The following SLC17A3 variants were observed in gnomAD, a reference collection of about 807,000 sequenced individuals.
SLC17A3 encodes sodium-dependent phosphate transport protein 4.
In SLC17A3, 61 loss-of-function variants were observed where a neutral mutation model predicts 60.3. The observed-to-expected ratio is 1.01, with a 90% confidence interval of 0.82 to 1.25. The LOEUF is 1.25. SLC17A3 is among the 50% of genes most tolerant of loss of function. SLC17A3 has a pLI of 0.00. For synonymous variants in SLC17A3, 192 were observed against 208.9 expected, an observed-to-expected ratio of 0.92 and a Z score of 0.70; for missense variants, 624 against 594.9, an observed-to-expected ratio of 1.05 and a Z score of -0.51.
intron 11 of SLC17A3, among the ~76,000 whole-genome samples, chr6:25,846,153 A>T (rs76070504): frequency 0.052 from 7,966 of 152,096 alleles, 241 homozygotes; most frequent in Non-Finnish European, 0.072. Context: ...TTGTTTTTTT[A>T]AATCAATTAA....
intron 1 of SLC17A3, among the ~76,000 whole-genome samples, chr6:25,869,583 C>T (rs1463110762): frequency 6.6e-6 from 1 of 151,904 alleles, no homozygotes; most frequent in East Asian, 1.9e-4. Context: ...TTTCACACGG[C>T]TGCGGAGGCC....
intron 2 of SLC17A3, among the ~76,000 whole-genome samples, chr6:25,863,469 C>T (rs1325033374): frequency 6.6e-6 from 1 of 152,114 alleles, no homozygotes; most frequent in Non-Finnish European, 1.5e-5. Flanking sequence ...TCAGGCAGAG[C>T]AGCTCTTTGG....
Position 25,850,452 on chromosome 6 carries a change from T to C in SLC17A3, c.993+7A>G. On this transcript the variant is annotated splice_region_variant and intron_variant, in intron 8 of 12. Coordinates refer to ENST00000397060, the MANE Select transcript of SLC17A3 (RefSeq NM_001098486.2). ...CAGGAGAAAGGAAGGGAAGGAAACATACTCACGTCTCTGATGTTAACATGG... is the reference window on the plus strand; with the variant it reads ...CAGGAGAAAGGAAGGGAAGGAAACACACTCACGTCTCTGATGTTAACATGG... 6.2e-7 allele frequency: 1 copy of C among 1,613,266 alleles called. No homozygotes were observed. Among genetic ancestry groups the C allele is most frequent in the Non-Finnish European group, 8.5e-7 (1 of 1,179,310 alleles).
At chr6:25,868,777 T>A (rs1765582245) in intron 1 of SLC17A3, among the ~76,000 whole-genome samples, 1 of 151,954 alleles carries the variant, frequency 6.6e-6, no homozygotes, top group Admixed American at 6.6e-5. Flanking sequence ...AACATCTTCA[T>A]CAAAAAGTTG....
At chr6:25,847,532 G>T (rs1265913030) in intron 11 of SLC17A3, among the ~76,000 whole-genome samples, 1 of 152,126 alleles carries the variant, frequency 6.6e-6, no homozygotes, top group African/African-American at 2.4e-5. Context: ...CCCACCAACA[G>T]TGTATAAGCG....
At chr6:25,862,625 G>A (rs776805135) in intron 2 of SLC17A3, among the ~76,000 whole-genome samples, 181 bp from the exon 3 acceptor site, 23 of 151,762 alleles carry the variant, frequency 1.5e-4, no homozygotes, top group African/African-American at 2.4e-4. Flanking sequence ...GCTAAAGGAC[G>A]TTTTATACCA....
At chr6:25,847,901 A>G (rs1482163740) in intron 11 of SLC17A3, among the ~76,000 whole-genome samples, 3 of 151,872 alleles carry the variant, frequency 2.0e-5, no homozygotes, top group Non-Finnish European at 4.4e-5. Context: ...CCCCCTTCCC[A>G]CACCTTCCCC....
chr6:25,850,396 T>A (rs1187895847), intron 8 of SLC17A3, 63 bp downstream of exon 8: 2 of 1,511,496 alleles, frequency 1.3e-6, no homozygotes, highest in South Asian at 2.3e-5. Context: ...GAATGATTAG[T>A]GAGGGCAGAG....
intron 6 of SLC17A3, 54 bp downstream of exon 6, chr6:25,855,090 T>C: frequency 8.9e-7 from 1 of 1,123,478 alleles, no homozygotes; most frequent in Non-Finnish European, 1.4e-6. Context: ...ATATACTTAC[T>C]GAGGAGAATC....
At chr6:25,862,502 T>C (rs1765468943) in intron 2 of SLC17A3, 58 bp from the exon 3 acceptor site, 3 of 1,342,896 alleles carry the variant, frequency 2.2e-6, no homozygotes, top group Non-Finnish European at 3.2e-6. Flanking sequence ...CATTAGTTTT[T>C]CACAAGATAT....
chr6:25,873,962 A>C (rs903544252), intron 1 of SLC17A3, among the ~76,000 whole-genome samples: 9 of 152,186 alleles, frequency 5.9e-5, no homozygotes, highest in Admixed American at 3.3e-4. Context: ...GTTTCAAAGC[A>C]TATGGATGAT....
chr6:25,858,435 T>G (rs1265646162), intron 5 of SLC17A3, among the ~76,000 whole-genome samples: 1 of 152,198 alleles, frequency 6.6e-6, no homozygotes, highest in Non-Finnish European at 1.5e-5. Context: ...CCCAGCAGCA[T>G]GTGGTACAGT....
Position 25,868,308 on chromosome 6 carries a change from A to G in SLC17A3, c.80T>C (p.Ile27Thr), listed in dbSNP as rs746698945. 3 of 1,611,666 alleles carry G rather than the reference A, an allele frequency of 1.9e-6. No homozygotes were observed. Among genetic ancestry groups the G allele is most frequent in the African/African-American group, 2.7e-5 (2 of 74,720 alleles). ...GAGGTCAAATTTACCTTTCCTGGGG[A>G]TCAGTGTCTCATCCACTTGCATATC... ...AQDMQVDETL[I>T]PRKVPSLCSA... Residue 27 changes from isoleucine (I) to threonine (T), a missense_variant, in exon 2 of 13, where the codon ATC becomes ACC. By Grantham distance (89) the Ile-to-Thr change is moderately conservative (BLOSUM62 -1). Coordinates refer to ENST00000397060, the MANE Select transcript of SLC17A3 (RefSeq NM_001098486.2).
At chr6:25,860,007 C>G (rs940533412) in intron 5 of SLC17A3, among the ~76,000 whole-genome samples, 2 of 152,128 alleles carry the variant, frequency 1.3e-5, no homozygotes, top group East Asian at 3.9e-4. Flanking sequence ...ACCAAAGTAT[C>G]AAGGCATTTT....
intron 2 of SLC17A3, 89 bp downstream of exon 2, chr6:25,868,208 A>C: frequency 3.0e-6 from 3 of 987,840 alleles, no homozygotes; most frequent in Non-Finnish European, 1.6e-6. Context: ...TAAAGAACTT[A>C]AAAATCACAA....
At chr6:25,857,454 A>T (rs992346367) in intron 5 of SLC17A3, among the ~76,000 whole-genome samples, 8 of 151,892 alleles carry the variant, frequency 5.3e-5, no homozygotes, top group African/African-American at 1.9e-4. Context: ...GGTGTTTTGT[A>T]ATTCAACTGT....
chr6:25,859,842 A>G (rs1460132158), intron 5 of SLC17A3, among the ~76,000 whole-genome samples: 1 of 152,040 alleles, frequency 6.6e-6, no homozygotes, highest in African/African-American at 2.4e-5. Context: ...TCTATCTCAC[A>G]TGGGATAACA....
chr6:25,850,742 G>A lies in SLC17A3; in HGVS notation c.831+17C>T, dbSNP rs1765261937. The A allele has an allele frequency of 6.2e-7, 1 of 1,606,714 alleles. No homozygotes were observed. The highest frequency in any genetic ancestry group is 1.3e-5 in the African/African-American group (1 of 74,762). On this transcript the variant is annotated intron_variant, in intron 7 of 12. Coordinates refer to ENST00000397060, the MANE Select transcript of SLC17A3 (RefSeq NM_001098486.2). ...AGATACAAGGTCTCAGAAAAGTGTT[G>A]GTGTCTTTATATGTACCTGTTGTTT...
At chr6:25,846,089 G>A (rs1765169935) in intron 11 of SLC17A3, among the ~76,000 whole-genome samples, 1 of 151,980 alleles carries the variant, frequency 6.6e-6, no homozygotes, top group Admixed American at 6.6e-5. Flanking sequence ...TTTTTGGCAT[G>A]ATTATGCAAA....
Sources: allele counts gnomAD v4.1 joint callset (sites outside exome capture counted in the v4.1 genomes callset), GRCh38; gene constraint gnomAD v4.1.1; transcripts MANE v1.5; gene names NCBI Gene and HGNC (gene_info 2026-07-23, HGNC 2026-07-21).